The following APBA2 variants were observed in gnomAD, a reference collection of about 807,000 sequenced individuals.
The protein encoded by APBA2 is amyloid-beta A4 precursor protein-binding family A member 2.
Under a neutral mutation model 75.0 loss-of-function variants are expected in APBA2, and 30 were observed. The observed-to-expected ratio is 0.40, with a 90% CI of 0.30 to 0.54. The LOEUF is 0.54. Ranked by LOEUF, APBA2 falls within the 20% of genes least tolerant of loss-of-function variation. The pLI is 0.49. For missense variants in APBA2, 801 were observed against 1,016.1 expected, an observed-to-expected ratio of 0.79 and a Z score of 2.88; for synonymous variants, 444 against 409.6, an observed-to-expected ratio of 1.08 and a Z score of -1.01.
intron 4 of APBA2, among the ~76,000 whole-genome samples, chr15:29,066,436 A>C (rs2042381802): frequency 1.3e-5 from 2 of 152,238 alleles, no homozygotes. Context: ...CGTCCTGCTA[A>C]GTGCAATGAG....
intron 3 of APBA2, among the ~76,000 whole-genome samples, chr15:29,013,916 C>G (rs1182184074): frequency 6.6e-6 from 1 of 152,204 alleles, no homozygotes; most frequent in Admixed American, 6.5e-5. Flanking sequence ...GCAGTGAAAG[C>G]GTTACCTTTC....
At chr15:29,042,157 G>A (rs2041078623) in intron 3 of APBA2, among the ~76,000 whole-genome samples, 1 of 152,168 alleles carries the variant, frequency 6.6e-6, no homozygotes, top group African/African-American at 2.4e-5. Context: ...CATCCTGTTT[G>A]TGTGACTGTC....
chr15:28,952,629 A>G (rs974939743), intron 2 of APBA2, among the ~76,000 whole-genome samples: 1 of 152,236 alleles, frequency 6.6e-6, no homozygotes, highest in African/African-American at 2.4e-5. Flanking sequence ...CACCCCTGTG[A>G]AACCCAGTAA....
chr15:28,980,243 C>T (rs1282002192), intron 2 of APBA2, among the ~76,000 whole-genome samples: 2 of 152,150 alleles, frequency 1.3e-5, no homozygotes, highest in Non-Finnish European at 2.9e-5. Context: ...CCAGAGCAAT[C>T]AGGCAACAAA....
At position 29,020,249 on chromosome 15, in the gene APBA2, T is replaced by C. The variant is rs1449280968; in HGVS notation, c.-41+24443T>C. Among the ~76,000 whole-genome samples the C allele has an allele frequency of 2.6e-5, 4 of 151,612 alleles. No individual in the cohort carries two copies. In the East Asian group the frequency reaches 7.8e-4, roughly 29 times the overall value. ...TTCTTTGATACATTTACTTCGACTA[T>C]TTTCTTCCAGTCTGTTGTCTTCTGT... is the stretch of plus-strand genomic sequence containing the variant. On this transcript the variant is annotated intron_variant, in intron 3 of 14. Transcript: ENST00000683413.
intron 3 of APBA2, among the ~76,000 whole-genome samples, chr15:29,035,918 T>C (rs1242316391): frequency 6.6e-6 from 1 of 152,164 alleles, no homozygotes. Context: ...TATGGACCCC[T>C]CAGGGTGCCA....
At chr15:29,015,921 T>G (rs1177298204) in intron 3 of APBA2, among the ~76,000 whole-genome samples, 1 of 152,128 alleles carries the variant, frequency 6.6e-6, no homozygotes, top group Non-Finnish European at 1.5e-5. Context: ...CCAGAATTAT[T>G]GTGAGGAACT....
intron 2 of APBA2, among the ~76,000 whole-genome samples, chr15:28,952,576 T>C (rs2035947975): frequency 6.6e-6 from 1 of 152,184 alleles, no homozygotes; most frequent in African/African-American, 2.4e-5. Flanking sequence ...GTTTAAGACA[T>C]GTACAAATAT....
Position 29,094,267 on chromosome 15 carries a change from C to A in APBA2, c.1216-11C>A. 1 of 1,614,198 alleles carries A rather than the reference C, an allele frequency of 6.2e-7. No individual in the cohort carries two copies. Among genetic ancestry groups the A allele is most frequent in the Non-Finnish European group, 8.5e-7 (1 of 1,180,002 alleles). ...GCCAACTTGTTTTTCTTTTCTCTTC[C>A]ATGCTGTCAGAGGATGCAAAAGGCT... On this transcript the variant is annotated splice_polypyrimidine_tract_variant and intron_variant, in intron 7 of 14. Transcript: ENST00000683413.
intron 2 of APBA2, among the ~76,000 whole-genome samples, chr15:28,951,861 G>A (rs1180629075): frequency 5.9e-4 from 5 of 8,496 alleles, no homozygotes; most frequent in African/African-American, 1.8e-3. Context: ...GATTACAGGC[G>A]TGAGCCCACT....
intron 2 of APBA2, among the ~76,000 whole-genome samples, chr15:28,978,938 G>A (rs972210279): frequency 2.6e-5 from 4 of 152,204 alleles, no homozygotes; most frequent in Admixed American, 6.5e-5. Context: ...CTCTATGCCC[G>A]GCAGGTCAGG....
At chr15:29,082,431 AT>A (rs1566985125) in intron 6 of APBA2, among the ~76,000 whole-genome samples, 1 of 152,176 alleles carries the variant, frequency 6.6e-6, no homozygotes, top group Non-Finnish European at 1.5e-5. Context: ...ACAATACAGG[AT>A]TATTAACTAC....
rs1368122229 is a variant in APBA2, at chr15:29,052,454, C to CAAAAAAAGAA, written c.-40-1384_-40-1383insGAAAAAAAAA. On this transcript the variant is annotated intron_variant, in intron 3 of 14. Transcript: ENST00000683413. ...TGGGCGACAGAGCGAGACTCCATCT[C>CAAAAAAAGAA]AAAAAAAAAAAAAAGAAGTAGAACG... is the stretch of plus-strand genomic sequence containing the variant. Among the ~76,000 whole-genome samples the CAAAAAAAGAA allele has an allele frequency of 2.4e-3, 250 of 103,162 alleles. 9 individuals carry two copies. Among genetic ancestry groups the CAAAAAAAGAA allele is most frequent in the African/African-American group, 0.013 (245 of 19,324 alleles). The allele number at this position is 103,162 out of a possible 152,430, so 67.7% of individuals were successfully genotyped here.
At chr15:28,953,870 C>T (rs528828068) in intron 2 of APBA2, among the ~76,000 whole-genome samples, 2 of 152,252 alleles carry the variant, frequency 1.3e-5, no homozygotes, top group East Asian at 1.9e-4. Flanking sequence ...GACCTCATTC[C>T]GACTTGTGGC....
At chr15:28,933,111 C>T (rs908533227) in intron 2 of APBA2, among the ~76,000 whole-genome samples, 39 of 152,050 alleles carry the variant, frequency 2.6e-4, no homozygotes, top group Non-Finnish European at 5.0e-4. Context: ...CCCACTCTCG[C>T]GATAATGGCA....
intron 2 of APBA2, among the ~76,000 whole-genome samples, chr15:28,958,264 T>G (rs1170322143): frequency 6.6e-6 from 1 of 152,200 alleles, no homozygotes; most frequent in Non-Finnish European, 1.5e-5. Flanking sequence ...GGGGCCATAA[T>G]AGCAACGTGG....
Position 28,918,411 on chromosome 15 carries a change from G to A in APBA2, c.-204-3229G>A, listed in dbSNP as rs527753802. ...CACAGGAGCAGCCTTGATGCGCAACGCCCCCTCCAGGCCCCGAGTCCCTGT... is the reference window on the plus strand; with the variant it reads ...CACAGGAGCAGCCTTGATGCGCAACACCCCCTCCAGGCCCCGAGTCCCTGT... On this transcript the variant is annotated intron_variant, in intron 1 of 14. Transcript: ENST00000683413. This position sits in a 1 kb window ranked among gnomAD's most constrained non-coding sequence, Gnocchi z 4.2. 4.6e-5 allele frequency among the ~76,000 whole-genome samples: 7 copies of A among 152,252 alleles called. No individual in the cohort carries two copies. Among genetic ancestry groups the A allele is most frequent in the South Asian group, 4.1e-4 (2 of 4,822 alleles).
At chr15:28,977,516 G>A (rs966953307) in intron 2 of APBA2, 1 of 152,164 alleles carries the variant, frequency 6.6e-6, no homozygotes, top group African/African-American at 2.4e-5. Flanking sequence ...GACTGGGGTT[G>A]GCTGAGATGG....
At chr15:28,894,748 T>C (rs981109138) in intron 1 of APBA2, among the ~76,000 whole-genome samples, 8 of 152,092 alleles carry the variant, frequency 5.3e-5, no homozygotes, top group African/African-American at 1.7e-4. Context: ...AGGAGAGTGA[T>C]TTCTGCAGCT....
Sources: gnomAD v4.1 joint callset for allele counts (sites outside exome capture counted in the v4.1 genomes callset) on GRCh38, gnomAD v4.1.1 for gene constraint, Gnocchi (gnomAD v3.1) non-coding constraint, MANE v1.5 for transcripts, NCBI Gene and HGNC (gene_info 2026-07-23, HGNC 2026-07-21) for gene names.